The following MAP3K19 variants were observed in gnomAD, a reference collection of about 807,000 sequenced individuals.
MAP3K19 encodes SPS1/STE20-related protein kinase YSK4.
In MAP3K19, 91 loss-of-function variants were observed where a neutral mutation model predicts 114.4. The ratio of observed to expected loss-of-function variants is 0.80; its 90% CI spans 0.67 to 0.95. The LOEUF (loss-of-function observed/expected upper bound fraction) is 0.95, where lower values mean the gene tolerates loss of function less well. Ranked by LOEUF, MAP3K19 falls within the 40% of genes least tolerant of loss-of-function variation. The probability of loss-of-function intolerance (pLI) is 0.00; values close to 1 mark genes in which losing one functional copy is unlikely to be tolerated. For missense variants in MAP3K19, 1,471 were observed against 1,573.2 expected (o/e 0.94, Z 1.10); for synonymous variants, 518 against 530.5 (o/e 0.98, Z 0.32).
rs747986653 is a variant in MAP3K19, at chr2:134,987,597, A to G, written c.1275T>C (p.Asn425=). ...AAATATTGTTTGGTTCCATTGCTTC[A>G]TTTTTATGTAATGAAACTCTTTTTG... The part of the protein sequence containing the change: ...AASKRVSLHK[N]EAMEPNNILE... Residue 425 remains asparagine (N), a synonymous_variant, in exon 10 of 13, where the codon AAT becomes AAC. Transcript: ENST00000392915. The G allele has an allele frequency of 6.2e-7, 1 of 1,613,984 alleles. No individual in the cohort carries two copies. The highest frequency in any genetic ancestry group is 1.7e-5 in the Admixed American group (1 of 59,984).
intron 8 of MAP3K19, among the ~76,000 whole-genome samples, 155 bp from the exon 9 acceptor site, chr2:134,991,735 A>C (rs896411200): frequency 5.9e-5 from 9 of 152,252 alleles, no homozygotes; most frequent in Non-Finnish European, 1.3e-4. Context: ...ACAGAGGTGG[A>C]ATCATCACAC....
intron 1 of MAP3K19, among the ~76,000 whole-genome samples, chr2:135,043,333 T>A (rs1479000229): frequency 6.6e-6 from 1 of 152,214 alleles, no homozygotes; most frequent in African/African-American, 2.4e-5. Context: ...TGCAGTTTCC[T>A]GAACTTGCTT....
At chr2:135,019,241 G>A (rs1027130390) in intron 5 of MAP3K19, among the ~76,000 whole-genome samples, 10 of 152,000 alleles carry the variant, frequency 6.6e-5, no homozygotes, top group African/African-American at 1.9e-4. Context: ...AAAAATGGAT[G>A]TTGTTTTTTA....
Position 134,986,966 on chromosome 2 carries a change from CTG to C in MAP3K19, c.1904_1905del (p.Thr635ArgfsTer10). The C allele has an allele frequency of 6.2e-7, 1 of 1,613,842 alleles. No homozygotes were observed. The highest frequency in any genetic ancestry group is 1.7e-5 in the Admixed American group (1 of 60,020). ...KSCVPLSVQPTEPRLNYLDLK... is the reference protein window; with the variant it reads ...KSCVPLSVQPXEPRLNYLDLK... ...AGATCTAGGTAATTTAGTCTTGGCT[CTG>C]TCGGTTGAACAGAGAGAGGAACACA... On this transcript the variant is annotated frameshift_variant, in exon 10 of 13. Transcript: ENST00000392915. LOFTEE classifies it high-confidence loss of function.
At chr2:135,031,047 C>T (rs1334034514) in intron 2 of MAP3K19, among the ~76,000 whole-genome samples, 1 of 151,994 alleles carries the variant, frequency 6.6e-6, no homozygotes, top group African/African-American at 2.4e-5. Flanking sequence ...AGGGGACAGA[C>T]TGCCCAGTTG....
chr2:134,976,133 T>C (rs2105172493), intron 12 of MAP3K19, among the ~76,000 whole-genome samples: 1 of 152,218 alleles, frequency 6.6e-6, no homozygotes, highest in East Asian at 1.9e-4. Context: ...CAAGAAGATG[T>C]AAGTAGGGTT....
intron 5 of MAP3K19, among the ~76,000 whole-genome samples, chr2:135,017,510 A>T (rs1269054305): frequency 6.6e-6 from 1 of 152,066 alleles, no homozygotes; most frequent in Non-Finnish European, 1.5e-5. Flanking sequence ...TCCTCCACCA[A>T]ATCTTCCTGC....
chr2:134,983,744 T>G lies in MAP3K19; in HGVS notation c.3154A>C (p.Ser1052Arg), dbSNP rs779760644. ...SNEKKIFSEN[S>R]LKSEEPILWT... is the part of the protein sequence containing the mutation. ...AGGATAGGTTCTTCAGACTTTAAACTATTTTCAGAAAATATCTTCTTTTCA... is the reference window on the plus strand; with the variant it reads ...AGGATAGGTTCTTCAGACTTTAAACGATTTTCAGAAAATATCTTCTTTTCA... Residue 1052 changes from serine to arginine, a missense_variant, in exon 11 of 13, where the codon AGT becomes CGT. Coordinates refer to ENST00000392915, the MANE Select transcript of MAP3K19 (RefSeq NM_025052.5). 2 of 1,607,946 alleles carry G rather than the reference T, an allele frequency of 1.2e-6. No homozygotes were observed. The highest frequency in any genetic ancestry group is 8.5e-7 in the Non-Finnish European group (1 of 1,177,728).
At chr2:134,985,710 TA>T in intron 10 of MAP3K19, 89 bp downstream of exon 10, 1 of 1,180,052 alleles carries the variant, frequency 8.5e-7, no homozygotes, top group Non-Finnish European at 1.2e-6. Context: ...TTAGGGTTTA[TA>T]ATTCCTCATT....
chr2:135,008,461 A>G (rs116662141), intron 5 of MAP3K19, among the ~76,000 whole-genome samples: 218 of 152,256 alleles, frequency 1.4e-3, no homozygotes, highest in Middle Eastern at 6.8e-3. Flanking sequence ...CTTACAATGT[A>G]ACTCCCATGA....
chr2:134,986,580 T>A lies in MAP3K19; in HGVS notation c.2292A>T (p.Glu764Asp), dbSNP rs764546390. Residue 764 changes from glutamate to aspartate, a missense_variant, in exon 10 of 13, where the codon GAA becomes GAT. Transcript: ENST00000392915. ...CTGAAGACTTTATCTGCCAGTCTGG[T>A]TCTGAAATACCATCACCATTTTCAA... ...HDIENGDGIS[E>D]PDWQIKSSGN... is the part of the protein sequence containing the mutation. 4.3e-6 allele frequency: 7 copies of A among 1,614,080 alleles called. No individual in the cohort carries two copies. The East Asian group carries it at 1.6e-4, about 36-fold the overall frequency.
chr2:134,967,008 T>C (rs1435043252), intron 12 of MAP3K19, among the ~76,000 whole-genome samples: 2 of 152,200 alleles, frequency 1.3e-5, no homozygotes, highest in Non-Finnish European at 2.9e-5. Context: ...GCTGAGATGT[T>C]GTTAATCTGT....
Position 135,021,798 on chromosome 2 carries a change from G to A in MAP3K19, c.55C>T (p.His19Tyr), listed in dbSNP as rs759035214. ...RHAESLLDIC[H>Y]DTNSSPTDLM... The stretch of plus-strand genomic sequence containing the variant: ...TCAGTTGGAGAAGAGTTTGTATCAT[G>A]ACAAATGTCAAGCAATGACTCAGCA... The change falls in exon 5 of 13, where the codon CAT becomes TAT. Residue 19 changes from histidine (H) to tyrosine (Y), a missense_variant. His to Tyr is a moderately conservative substitution (Grantham distance 83, BLOSUM62 2). Transcript: ENST00000392915. 1.2e-6 allele frequency: 2 copies of A among 1,610,030 alleles called. No individual in the cohort carries two copies. Among genetic ancestry groups the A allele is most frequent in the Non-Finnish European group, 1.7e-6 (2 of 1,178,288 alleles).
intron 8 of MAP3K19, among the ~76,000 whole-genome samples, chr2:134,993,622 A>G (rs945873818): frequency 1.3e-5 from 2 of 152,228 alleles, no homozygotes; most frequent in Admixed American, 6.5e-5. Context: ...ATAGTTGGGT[A>G]CATAATGGAT....
intron 12 of MAP3K19, among the ~76,000 whole-genome samples, chr2:134,968,763 A>T (rs1316185998): frequency 6.6e-6 from 1 of 151,066 alleles, no homozygotes; most frequent in Admixed American, 6.6e-5. Flanking sequence ...GCGGCCGGGC[A>T]GAGACGCTCC....
Position 134,987,374 on chromosome 2 carries a change from T to C in MAP3K19, c.1498A>G (p.Ile500Val). ...PVDGSPKEPV[I>V]AKPSLQTRKG... ...CTTGTTTGGAGGCTTGGTTTGGCTATCACTGGTTCCTTGGGGCTTCCATCC... is the reference window on the plus strand; with the variant it reads ...CTTGTTTGGAGGCTTGGTTTGGCTACCACTGGTTCCTTGGGGCTTCCATCC... Residue 500 changes from isoleucine (I) to valine (V), a missense_variant, in exon 10 of 13, where the codon ATA becomes GTA. Ile to Val is a conservative substitution (Grantham distance 29, BLOSUM62 3). Transcript: ENST00000392915. The C allele has an allele frequency of 6.2e-7, 1 of 1,614,204 alleles. No homozygotes were observed. The highest frequency in any genetic ancestry group is 8.5e-7 in the Non-Finnish European group (1 of 1,180,032).
intron 12 of MAP3K19, among the ~76,000 whole-genome samples, chr2:134,967,226 T>A (rs1175480245): frequency 6.6e-6 from 1 of 152,166 alleles, no homozygotes; most frequent in African/African-American, 2.4e-5. Context: ...GTGGAAAGCC[T>A]CAGGGAGCTC....
rs115544821 is a variant in MAP3K19, at chr2:134,982,293, A to G, written c.3223-775T>C. 4.4e-3 allele frequency among the ~76,000 whole-genome samples: 625 copies of G among 142,164 alleles called. 4 individuals carry two copies. Among genetic ancestry groups the G allele is most frequent in the African/African-American group, 0.015 (585 of 38,070 alleles). 93.3% of individuals were successfully genotyped at this position (142,164 alleles called of 152,430 possible). On this transcript the variant is annotated intron_variant, in intron 11 of 12. Transcript: ENST00000392915. ...ACCACCACACTAGGCTAATTTTTAA[A>G]GTATTTTTGTGGAGACGAGGTCTCT...
chr2:134,971,465 T>C (rs1341510168), intron 12 of MAP3K19, among the ~76,000 whole-genome samples: 2 of 152,216 alleles, frequency 1.3e-5, no homozygotes, highest in African/African-American at 4.8e-5. Context: ...ATTCCTTCCT[T>C]CTCAATTTTT....
Sources: gnomAD v4.1 joint callset for allele counts (sites outside exome capture counted in the v4.1 genomes callset) on GRCh38, gnomAD v4.1.1 for gene constraint, MANE v1.5 for transcripts, NCBI Gene and HGNC (gene_info 2026-07-23, HGNC 2026-07-21) for gene names.